The following C3orf20 variants were observed in gnomAD, a reference collection of about 807,000 sequenced individuals.
C3orf20 encodes family with sequence similarity 149 member C.
C3orf20 carries 76 observed loss-of-function variants against 88.3 expected under a neutral mutation model. That is an observed-to-expected ratio of 0.86 (90% CI 0.72 to 1.04). The LOEUF (loss-of-function observed/expected upper bound fraction) is 1.04, where lower values mean the gene tolerates loss of function less well. Among genes scored for constraint, C3orf20 ranks in the 50% least tolerant of loss-of-function variants. C3orf20 has a pLI of 0.00. For synonymous variants in C3orf20, 436 were observed against 437.4 expected, an observed-to-expected ratio of 1.00 and a Z score of 0.04; for missense variants, 1,056 against 1,123.3, an observed-to-expected ratio of 0.94 and a Z score of 0.86.
intron 15 of C3orf20, among the ~76,000 whole-genome samples, chr3:14,766,441 C>T (rs1236064884): frequency 6.6e-6 from 1 of 152,174 alleles, no homozygotes; most frequent in Non-Finnish European, 1.5e-5. Context: ...TTCAAGCAGC[C>T]AGCAGTAGCC....
chr3:14,763,897 A>G (rs2035628018), intron 15 of C3orf20, among the ~76,000 whole-genome samples: 1 of 152,214 alleles, frequency 6.6e-6, no homozygotes, highest in Non-Finnish European at 1.5e-5. Context: ...GTTATATTCA[A>G]GGATTCTGAA....
intron 5 of C3orf20, among the ~76,000 whole-genome samples, chr3:14,695,705 A>G (rs1172511645): frequency 6.6e-6 from 1 of 152,036 alleles, no homozygotes; most frequent in African/African-American, 2.4e-5. Context: ...TACTTATGTT[A>G]TATCTTCTTG....
intron 1 of C3orf20, among the ~76,000 whole-genome samples, chr3:14,676,624 TC>T (rs1027773984): frequency 2.6e-5 from 4 of 151,914 alleles, no homozygotes; most frequent in African/African-American, 7.3e-5. Context: ...CTGACACTCC[TC>T]CCCCCCATTT....
chr3:14,760,696 G>A (rs1260324631), intron 14 of C3orf20, among the ~76,000 whole-genome samples: 3 of 137,960 alleles, frequency 2.2e-5, no homozygotes, highest in Non-Finnish European at 4.5e-5. Flanking sequence ...TGCAACCTCT[G>A]CCTCCCGGAT....
chr3:14,705,853 T>TG (rs1265956350), intron 7 of C3orf20, among the ~76,000 whole-genome samples: 1 of 152,218 alleles, frequency 6.6e-6, no homozygotes, highest in African/African-American at 2.4e-5. Context: ...TGTGACTGAC[T>TG]GTATGCCACA....
At chr3:14,714,582 C>T (rs942255977) in intron 8 of C3orf20, among the ~76,000 whole-genome samples, 2 of 152,044 alleles carry the variant, frequency 1.3e-5, no homozygotes, top group Admixed American at 1.3e-4. Context: ...TATTGTCTGG[C>T]TTTTCTTTTT....
At chr3:14,759,586 C>A (rs1368147207) in intron 13 of C3orf20, among the ~76,000 whole-genome samples, 1 of 152,200 alleles carries the variant, frequency 6.6e-6, no homozygotes, top group Non-Finnish European at 1.5e-5. Context: ...ACCTCCAGGG[C>A]AAGGGAGCAG....
At chr3:14,709,231 A>G (rs927499859) in intron 7 of C3orf20, among the ~76,000 whole-genome samples, 10 of 152,020 alleles carry the variant, frequency 6.6e-5, no homozygotes, top group African/African-American at 2.2e-4. Context: ...TAACTTTTCT[A>G]AATTTATTTG....
intron 11 of C3orf20, among the ~76,000 whole-genome samples, chr3:14,727,601 C>T (rs891870786): frequency 1.3e-5 from 2 of 152,050 alleles, no homozygotes; most frequent in African/African-American, 4.8e-5. Context: ...CTGTGTCACC[C>T]CCTGGCTGGG....
At chr3:14,700,127 G>C (rs569836323) in intron 5 of C3orf20, among the ~76,000 whole-genome samples, 2 of 152,314 alleles carry the variant, frequency 1.3e-5, no homozygotes, top group South Asian at 4.1e-4. Context: ...GCTGGGGATG[G>C]GGAAGGGTTG....
chr3:14,686,082 G>C (rs1343885507), intron 4 of C3orf20, among the ~76,000 whole-genome samples: 1 of 152,036 alleles, frequency 6.6e-6, no homozygotes, highest in Non-Finnish European at 1.5e-5. Flanking sequence ...GGATGGTCTC[G>C]ATCTCTTGAC....
intron 15 of C3orf20, among the ~76,000 whole-genome samples, chr3:14,763,098 G>C (rs1280840944): frequency 1.3e-5 from 2 of 152,184 alleles, no homozygotes; most frequent in Non-Finnish European, 2.9e-5. Context: ...AAAGACAGAG[G>C]CACCAAGGGC....
At chr3:14,769,693 G>T (rs530283391) in intron 15 of C3orf20, among the ~76,000 whole-genome samples, 1 of 152,280 alleles carries the variant, frequency 6.6e-6, no homozygotes, top group African/African-American at 2.4e-5. Context: ...ACCACACACT[G>T]GCTTTAAGTG....
chr3:14,693,628 A>G (rs1049016085), intron 5 of C3orf20, among the ~76,000 whole-genome samples: 1 of 152,184 alleles, frequency 6.6e-6, no homozygotes, highest in Non-Finnish European at 1.5e-5. Context: ...AGATCATATC[A>G]TCTGCAAACA....
intron 12 of C3orf20, among the ~76,000 whole-genome samples, chr3:14,752,488 G>A (rs1197656920): frequency 1.3e-5 from 2 of 152,084 alleles, no homozygotes; most frequent in Non-Finnish European, 2.9e-5. Flanking sequence ...TAGATAAATG[G>A]GATCTAATCA....
chr3:14,737,981 A>G (rs1290622527), intron 12 of C3orf20, among the ~76,000 whole-genome samples: 1 of 152,160 alleles, frequency 6.6e-6, no homozygotes, highest in African/African-American at 2.4e-5. Context: ...GATTGCAGCA[A>G]TTCGGTCACA....
chr3:14,728,307 G>A lies in C3orf20; in HGVS notation c.1691-132G>A, dbSNP rs547892303. 727 of 1,051,550 alleles carry A rather than the reference G, an allele frequency of 6.9e-4. 1 individual carries two copies. Among genetic ancestry groups the A allele is most frequent in the Non-Finnish European group, 9.4e-4 (663 of 708,778 alleles). 65.1% of individuals were successfully genotyped at this position (1,051,550 alleles called of 1,614,324 possible). On this transcript the variant is annotated intron_variant, in intron 11 of 16. Coordinates refer to ENST00000253697, the MANE Select transcript of C3orf20 (RefSeq NM_032137.5). ...TATTGGACAGCAGAGGGGAGGTGCC[G>A]GAGAATCAATGAGAGCGGAGGGGAG... is the stretch of plus-strand genomic sequence containing the variant.
chr3:14,683,342 A>G, intron 3 of C3orf20, 145 bp downstream of exon 3: 1 of 1,036,270 alleles, frequency 9.6e-7, no homozygotes, highest in Non-Finnish European at 1.3e-6. Flanking sequence ...TCATCCTCTC[A>G]CTCCTCCCTG....
intron 12 of C3orf20, 88 bp from the exon 13 acceptor site, chr3:14,757,283 C>A: frequency 8.2e-7 from 1 of 1,213,856 alleles, no homozygotes; most frequent in Non-Finnish European, 1.2e-6. Context: ...GCAGCAGGGC[C>A]TTTGACCAGC....
Sources: gnomAD v4.1 joint callset for allele counts (sites outside exome capture counted in the v4.1 genomes callset) on GRCh38, gnomAD v4.1.1 for gene constraint, MANE v1.5 for transcripts, NCBI Gene and HGNC (gene_info 2026-07-23, HGNC 2026-07-21) for gene names.